The following TRERF1 variants were observed in gnomAD, a reference collection of about 807,000 sequenced individuals.
The protein encoded by TRERF1 is transcriptional-regulating factor 1.
Under a neutral mutation model 122.9 loss-of-function variants are expected in TRERF1, and 27 were observed. The ratio of observed to expected loss-of-function variants is 0.22; its 90% CI spans 0.16 to 0.30. The LOEUF is 0.30. Among genes scored for constraint, TRERF1 ranks in the 10% least tolerant of loss-of-function variants. The probability of loss-of-function intolerance (pLI) is 1.00; values close to 1 mark genes in which losing one functional copy is unlikely to be tolerated. For missense variants in TRERF1, 1,248 were observed against 1,560.3 expected (o/e 0.80, Z 3.37); for synonymous variants, 636 against 641.7 (o/e 0.99, Z 0.13).
At chr6:42,289,597 C>A (rs1310105270) in intron 4 of TRERF1, among the ~76,000 whole-genome samples, 11 of 152,148 alleles carry the variant, frequency 7.2e-5, no homozygotes, top group Non-Finnish European at 1.5e-5. Context: ...TAATACTGAT[C>A]ATCTAATGAG....
At chr6:42,240,673 CA>C (rs1413666718) in intron 15 of TRERF1, among the ~76,000 whole-genome samples, 1 of 152,186 alleles carries the variant, frequency 6.6e-6, no homozygotes. Context: ...GATCTCATTG[CA>C]TACTGCTTTT....
chr6:42,359,929 C>G (rs1317907769), intron 3 of TRERF1, among the ~76,000 whole-genome samples: 1 of 151,834 alleles, frequency 6.6e-6, no homozygotes, highest in Admixed American at 6.6e-5. Context: ...TTTAGGCTTC[C>G]CCCAAAATGA....
At chr6:42,333,045 G>A (rs1017302556) in intron 3 of TRERF1, among the ~76,000 whole-genome samples, 1 of 152,190 alleles carries the variant, frequency 6.6e-6, no homozygotes, top group African/African-American at 2.4e-5. Flanking sequence ...TAAGTGATGG[G>A]TTGGAGGTTA....
chr6:42,225,469 A>G (rs1008404520), exon 18 of TRERF1: 2 of 152,062 alleles, frequency 1.3e-5, no homozygotes, highest in Non-Finnish European at 2.9e-5. Flanking sequence ...CCTTATTAAA[A>G]ATACACACGT....
chr6:42,407,314 G>A (rs190895771), intron 2 of TRERF1, among the ~76,000 whole-genome samples: 5 of 152,300 alleles, frequency 3.3e-5, no homozygotes, highest in African/African-American at 7.2e-5. Context: ...TCTTTTCACC[G>A]TTATTCGCAA....
intron 9 of TRERF1, among the ~76,000 whole-genome samples, chr6:42,258,993 C>T (rs773357320): frequency 2.6e-5 from 4 of 152,158 alleles, no homozygotes; most frequent in Non-Finnish European, 5.9e-5. Context: ...CCTCGACCTC[C>T]GAAAACGCTG....
At chr6:42,367,067 C>T (rs1772877920) in intron 2 of TRERF1, among the ~76,000 whole-genome samples, 1 of 152,184 alleles carries the variant, frequency 6.6e-6, no homozygotes, top group Non-Finnish European at 1.5e-5. Context: ...AAATCCTGAC[C>T]TCGTCAGCCA....
chr6:42,271,053 C>T (rs1780128006), intron 4 of TRERF1, among the ~76,000 whole-genome samples: 1 of 151,772 alleles, frequency 6.6e-6, no homozygotes, highest in Non-Finnish European at 1.5e-5. Flanking sequence ...GGCGTGGTGG[C>T]AGGCGCTTGT....
intron 8 of TRERF1, among the ~76,000 whole-genome samples, chr6:42,262,450 G>C (rs1216280618): frequency 1.2e-4 from 2 of 16,746 alleles, no homozygotes; most frequent in Non-Finnish European, 1.3e-4. Flanking sequence ...GAGAGAGAGA[G>C]AGAGAGAGAG....
chr6:42,443,168 T>C (rs1786841618), intron 2 of TRERF1, among the ~76,000 whole-genome samples: 1 of 152,254 alleles, frequency 6.6e-6, no homozygotes, highest in East Asian at 1.9e-4. Flanking sequence ...ATATTTATTA[T>C]ACAAATACAG....
At position 42,232,505 on chromosome 6, in the gene TRERF1, C is replaced by T. The variant is rs1312718279; in HGVS notation, c.3278+176G>A. Among the ~76,000 whole-genome samples, 2 of 152,156 alleles carry T rather than the reference C, an allele frequency of 1.3e-5. No homozygotes were observed. Among genetic ancestry groups the T allele is most frequent in the Admixed American group, 1.3e-4 (2 of 15,274 alleles). ...ACAAGGCTCTAAGATAACAGAATGG[C>T]CATATTCTGAGTCTGCAACAGGACT... On this transcript the variant is annotated intron_variant, in intron 17 of 17. Coordinates refer to ENST00000372922, the Ensembl canonical transcript of TRERF1. This position sits in a 1 kb window ranked among gnomAD's most constrained non-coding sequence, Gnocchi z 4.5.
intron 3 of TRERF1, among the ~76,000 whole-genome samples, chr6:42,322,972 T>C (rs1042127870): frequency 1.3e-5 from 2 of 151,316 alleles, no homozygotes; most frequent in Admixed American, 6.6e-5. Context: ...GGGCAGAGAA[T>C]GGCACTGGGA....
At chr6:42,421,508 T>C (rs1782758014) in intron 2 of TRERF1, among the ~76,000 whole-genome samples, 2 of 152,264 alleles carry the variant, frequency 1.3e-5, no homozygotes, top group Non-Finnish European at 2.9e-5. Flanking sequence ...GCACAGTGGC[T>C]CACTCCTGTA....
chr6:42,410,123 C>A (rs576195842), intron 2 of TRERF1, among the ~76,000 whole-genome samples: 1 of 152,016 alleles, frequency 6.6e-6, no homozygotes, highest in African/African-American at 2.4e-5. Flanking sequence ...ATTCCTGAGA[C>A]GAGCCTTGCT....
At chr6:42,292,935 G>A (rs1320292792) in intron 4 of TRERF1, among the ~76,000 whole-genome samples, 1 of 152,190 alleles carries the variant, frequency 6.6e-6, no homozygotes, top group Non-Finnish European at 1.5e-5. Context: ...TCCAATTCCA[G>A]AAAATTGGTA....
chr6:42,323,229 C>T (rs768832153), intron 3 of TRERF1, among the ~76,000 whole-genome samples: 3 of 148,244 alleles, frequency 2.0e-5, no homozygotes, highest in East Asian at 2.0e-4. Context: ...GATGGAGTCT[C>T]GCTCTGTCGC....
At chr6:42,242,893 G>C (rs2149590203) in intron 15 of TRERF1, among the ~76,000 whole-genome samples, 1 of 152,152 alleles carries the variant, frequency 6.6e-6, no homozygotes, top group South Asian at 2.1e-4. Flanking sequence ...CTATGACATG[G>C]AAAGATCAAA....
In TRERF1 at chr6:42,245,387, T is replaced by C. The variant is rs1377465285; in HGVS notation, c.2745+1069A>G. 2.0e-5 allele frequency among the ~76,000 whole-genome samples: 3 copies of C among 152,226 alleles called. No homozygotes were observed. The East Asian group carries it at 5.8e-4, about 29-fold the overall frequency. On this transcript the variant is annotated intron_variant, in intron 14 of 17. Coordinates refer to ENST00000372922, the Ensembl canonical transcript of TRERF1. ...CACTTGCCCAGGCAAGGCCCTAGACTGACAACAGGAGACATGCCACCCTAG... is the reference window on the plus strand; with the variant it reads ...CACTTGCCCAGGCAAGGCCCTAGACCGACAACAGGAGACATGCCACCCTAG...
chr6:42,236,125 AATACATC>A (rs1187891065), intron 16 of TRERF1, 73 bp downstream of exon 16: 3 of 1,490,872 alleles, frequency 2.0e-6, no homozygotes, highest in Non-Finnish European at 2.7e-6. Context: ...CACTCTCGAA[AATACATC>A]ATCTCTTAAA....
Sources: gnomAD v4.1 joint callset for allele counts (sites outside exome capture counted in the v4.1 genomes callset) on GRCh38, gnomAD v4.1.1 for gene constraint, Gnocchi (gnomAD v3.1) non-coding constraint, MANE v1.5 for transcripts, NCBI Gene and HGNC (gene_info 2026-07-23, HGNC 2026-07-21) for gene names.